Variants in DPYD observed in about 807,000 individuals in gnomAD.
The protein encoded by DPYD is dihydropyrimidine dehydrogenase [NADP(+)].
Under a neutral mutation model 116.2 loss-of-function variants are expected in DPYD, and 109 were observed. The observed-to-expected ratio is 0.94, with a 90% CI of 0.80 to 1.10. DPYD has a LOEUF of 1.10. DPYD is among the 50% of genes least tolerant of loss of function. The pLI is 0.00. For synonymous variants in DPYD, 440 were observed against 432.0 expected, an observed-to-expected ratio of 1.02 and a Z score of -0.23; for missense variants, 1,302 against 1,254.5, an observed-to-expected ratio of 1.04 and a Z score of -0.57.
chr1:97,721,405 A>C, intron 5 of DPYD, 105 bp downstream of exon 5: 1 of 1,367,126 alleles, frequency 7.3e-7, no homozygotes. Context: ...TGTGTGTCAC[A>C]CTAAAAATGT....
At chr1:97,751,289 T>C (rs1273140942) in intron 3 of DPYD, among the ~76,000 whole-genome samples, 1 of 149,118 alleles carries the variant, frequency 6.7e-6, no homozygotes, top group Non-Finnish European at 1.5e-5. Context: ...AATATATATA[T>C]ATACACACAC....
At chr1:97,327,643 A>AT (rs1278147778) in intron 16 of DPYD, among the ~76,000 whole-genome samples, 1 of 151,994 alleles carries the variant, frequency 6.6e-6, no homozygotes, top group East Asian at 1.9e-4. Context: ...TATATCCTTC[A>AT]TTTTTATATA....
At chr1:97,689,604 C>A (rs1345763823) in intron 7 of DPYD, among the ~76,000 whole-genome samples, 1 of 151,874 alleles carries the variant, frequency 6.6e-6, no homozygotes, top group Non-Finnish European at 1.5e-5. Flanking sequence ...AGTATGAACC[C>A]ACAAAAATAG....
chr1:97,528,566 A>T (rs1351328273), intron 12 of DPYD, among the ~76,000 whole-genome samples: 1 of 152,072 alleles, frequency 6.6e-6, no homozygotes, highest in African/African-American at 2.4e-5. Flanking sequence ...TTAGCAACTT[A>T]ATGTAGTAAC....
intron 16 of DPYD, 95 bp from the exon 17 acceptor site, chr1:97,306,392 A>G: frequency 6.7e-7 from 1 of 1,503,544 alleles, no homozygotes; most frequent in African/African-American, 1.4e-5. Context: ...CGTGCAAGAC[A>G]AATCCAACTT....
intron 16 of DPYD, among the ~76,000 whole-genome samples, chr1:97,316,906 C>A (rs1345049257): frequency 6.6e-6 from 1 of 151,710 alleles, no homozygotes; most frequent in Admixed American, 6.6e-5. Context: ...TGTATATTCC[C>A]AGGTCTATTT....
intron 16 of DPYD, among the ~76,000 whole-genome samples, chr1:97,356,373 C>T (rs905147656): frequency 6.6e-6 from 1 of 152,094 alleles, no homozygotes; most frequent in African/African-American, 2.4e-5. Context: ...TCTTCAAATC[C>T]ATGGGTTGCT....
chr1:97,550,231 C>T (rs1651217852), intron 11 of DPYD, among the ~76,000 whole-genome samples: 1 of 151,858 alleles, frequency 6.6e-6, no homozygotes, highest in South Asian at 2.1e-4. Context: ...AATGAGACAA[C>T]ATATATAACA....
rs577140534 is a variant in DPYD at position 97,429,947 on chromosome 1, G to T, written c.1905+20112C>A. Among the ~76,000 whole-genome samples, 9 of 152,204 alleles carry T rather than the reference G, an allele frequency of 5.9e-5. No homozygotes were observed. In the South Asian group the frequency reaches 1.0e-3, roughly 18 times the overall value. On this transcript the variant is annotated intron_variant, in intron 14 of 22. Transcript: ENST00000370192. ...AAGAAGTATGATATGCTTAATAAAT[G>T]TGGACAAACTGAACACTAGTTTGCA...
At chr1:97,209,199 A>G (rs578170108) in intron 19 of DPYD, among the ~76,000 whole-genome samples, 13 of 152,270 alleles carry the variant, frequency 8.5e-5, no homozygotes, top group African/African-American at 3.1e-4. Context: ...CAGGTTTTAA[A>G]TCAATTATTG....
rs1200243178 is a variant in DPYD at position 97,768,399 on chromosome 1, C to T, written c.234-27920G>A. Reference sequence around the variant, plus strand: ...TTTCAACGTGAATTGATTCTAAATACACTTTTTTGCAAGCATTGCCCAACA... The same window carrying T: ...TTTCAACGTGAATTGATTCTAAATATACTTTTTTGCAAGCATTGCCCAACA... On this transcript the variant is annotated intron_variant, in intron 3 of 22. Transcript: ENST00000370192. 2.7e-5 allele frequency among the ~76,000 whole-genome samples: 4 copies of T among 149,046 alleles called. No homozygotes were observed. The South Asian group carries it at 6.4e-4, about 24-fold the overall frequency.
At chr1:97,209,339 G>C (rs1659886404) in intron 19 of DPYD, among the ~76,000 whole-genome samples, 1 of 152,020 alleles carries the variant, frequency 6.6e-6, no homozygotes, top group Non-Finnish European at 1.5e-5. Context: ...TTTTGAATCT[G>C]CTTATAATCA....
At chr1:97,552,858 C>G (rs1479220340) in intron 11 of DPYD, among the ~76,000 whole-genome samples, 2 of 151,880 alleles carry the variant, frequency 1.3e-5, no homozygotes, top group Admixed American at 1.3e-4. Flanking sequence ...TAACATGTTC[C>G]TAATTTCATT....
chr1:97,738,423 T>C (rs922080408), intron 4 of DPYD, among the ~76,000 whole-genome samples: 1 of 151,998 alleles, frequency 6.6e-6, no homozygotes, highest in East Asian at 1.9e-4. Flanking sequence ...TGGCCTAAAC[T>C]CCACTGAATC....
At chr1:97,168,222 T>G (rs573942356) in intron 20 of DPYD, among the ~76,000 whole-genome samples, 2 of 152,300 alleles carry the variant, frequency 1.3e-5, no homozygotes, top group South Asian at 4.1e-4. Flanking sequence ...GTAACAATCT[T>G]CTCCACAATG....
At chr1:97,715,582 C>T (rs1386950123) in intron 5 of DPYD, among the ~76,000 whole-genome samples, 1 of 152,012 alleles carries the variant, frequency 6.6e-6, no homozygotes, top group Non-Finnish European at 1.5e-5. Context: ...AGCCAGTTTG[C>T]CTGGGGTGGT....
At chr1:97,395,205 G>A (rs1038403631) in intron 14 of DPYD, among the ~76,000 whole-genome samples, 1 of 150,300 alleles carries the variant, frequency 6.7e-6, no homozygotes, top group Non-Finnish European at 1.5e-5. Context: ...AATATATATT[G>A]TGCCTTTCTA....
chr1:97,140,710 G>C (rs1355950977), intron 20 of DPYD, among the ~76,000 whole-genome samples: 1 of 152,124 alleles, frequency 6.6e-6, no homozygotes, highest in Non-Finnish European at 1.5e-5. Flanking sequence ...ATAGGGCCTA[G>C]TGCAGGTTAA....
At chr1:97,569,703 AGAT>A (rs1349797970) in intron 11 of DPYD, among the ~76,000 whole-genome samples, 2 of 151,916 alleles carry the variant, frequency 1.3e-5, no homozygotes, top group African/African-American at 4.8e-5. Flanking sequence ...TTCACAAGAA[AGAT>A]ATTTAAGGCT....
Sources: gnomAD v4.1 joint callset for allele counts (sites outside exome capture counted in the v4.1 genomes callset) on GRCh38, gnomAD v4.1.1 for gene constraint, MANE v1.5 for transcripts, NCBI Gene and HGNC (gene_info 2026-07-23, HGNC 2026-07-21) for gene names.